The following IP6K3 variants were observed in gnomAD, a reference collection of about 807,000 sequenced individuals.
IP6K3 encodes the protein ATP:1D-myo-inositol-hexakisphosphate phosphotransferase.
Under a neutral mutation model 28.8 loss-of-function variants are expected in IP6K3, and 20 were observed. That is an observed-to-expected ratio of 0.70 (90% CI 0.49 to 1.01). The LOEUF (loss-of-function observed/expected upper bound fraction) is 1.01. IP6K3 is among the 50% of genes least tolerant of loss of function. The pLI is 0.00. For synonymous variants in IP6K3, 213 were observed against 221.3 expected (o/e 0.96, Z 0.33); for missense variants, 480 against 537.1 (o/e 0.89, Z 1.05).
chr6:33,729,870 C>T (rs1766256795), intron 2 of IP6K3, among the ~76,000 whole-genome samples: 1 of 152,086 alleles, frequency 6.6e-6, no homozygotes, highest in South Asian at 2.1e-4. Flanking sequence ...CCCGCCACTG[C>T]ACCCGGCTAA....
intron 1 of IP6K3, among the ~76,000 whole-genome samples, chr6:33,738,680 GGTAGCCCCAGAGTGT>G (rs942148970): frequency 2.6e-5 from 4 of 152,186 alleles, no homozygotes; most frequent in African/African-American, 7.2e-5. Flanking sequence ...ACCCAGGCAT[GGTAGCCCCAGAGTGT>G]GCGTCCCGGC....
chr6:33,741,790 A>G (rs1225979750), intron 1 of IP6K3, among the ~76,000 whole-genome samples: 16 of 151,622 alleles, frequency 1.1e-4, no homozygotes, highest in Admixed American at 1.1e-3. Flanking sequence ...TGTCTCTACT[A>G]AAAATACAAA....
chr6:33,738,849 A>C (rs1209860474), intron 1 of IP6K3, among the ~76,000 whole-genome samples: 2 of 151,998 alleles, frequency 1.3e-5, no homozygotes, highest in African/African-American at 4.8e-5. Flanking sequence ...GGCCTGGTCT[A>C]CCCCCTGGCC....
At chr6:33,758,929 C>G in the IP6K3 span, among the ~76,000 whole-genome samples, 1 of 152,142 alleles carries the variant, frequency 6.6e-6, no homozygotes, top group South Asian at 2.1e-4. Context: ...GAAATATAAT[C>G]CTAATATGCT....
intron 4 of IP6K3, among the ~76,000 whole-genome samples, chr6:33,726,441 C>T (rs1318490370): frequency 6.6e-6 from 1 of 152,230 alleles, no homozygotes; most frequent in South Asian, 2.1e-4. Context: ...CCCAACCCAT[C>T]TTTACTGCCA....
chr6:33,731,842 C>T (rs1448597639), intron 2 of IP6K3, among the ~76,000 whole-genome samples: 1 of 151,974 alleles, frequency 6.6e-6, no homozygotes, highest in Non-Finnish European at 1.5e-5. Context: ...CCCACGGGTT[C>T]CCAGAGCTCT....
intron 2 of IP6K3, among the ~76,000 whole-genome samples, chr6:33,728,782 AC>A (rs1204679908): frequency 6.6e-6 from 1 of 151,756 alleles, no homozygotes; most frequent in African/African-American, 2.4e-5. Flanking sequence ...CCTCCTGAGC[AC>A]CCTTCTTCTC....
chr6:33,753,430 A>G, the IP6K3 span, among the ~76,000 whole-genome samples: 1 of 152,158 alleles, frequency 6.6e-6, no homozygotes, highest in Non-Finnish European at 1.5e-5. Flanking sequence ...GGTGGAGTGC[A>G]GGCCTCCTAG....
the IP6K3 span, among the ~76,000 whole-genome samples, chr6:33,755,358 C>T: frequency 2.8e-4 from 43 of 152,340 alleles, 1 homozygote; most frequent in South Asian, 7.5e-3. Context: ...AGCCAGTTCA[C>T]CTTCCCAGAC....
intron 4 of IP6K3, 23 bp downstream of exon 4, chr6:33,726,706 CAT>C (rs900754709): frequency 6.4e-7 from 1 of 1,552,768 alleles, no homozygotes; most frequent in African/African-American, 1.4e-5. Flanking sequence ...CTTGGGACCA[CAT>C]GTGAGGGGGA....
In IP6K3 at chr6:33,722,187, G is replaced by C. The variant is rs1248173547; in HGVS notation, c.*533C>G. 6.6e-6 allele frequency: 1 copy of C among 151,738 alleles called. No individual in the cohort carries two copies. The highest frequency in any genetic ancestry group is 1.9e-4 in the East Asian group (1 of 5,146). 9.4% of individuals were successfully genotyped at this position (151,738 alleles called of 1,614,324 possible). The stretch of plus-strand genomic sequence containing the variant: ...AGCTGGGTGCAGAGCAGATGAGATG[G>C]GTAGATCTCTTCTGCTTCATCCTGT... On this transcript the variant is annotated 3_prime_UTR_variant, in exon 6 of 6. Coordinates refer to ENST00000293756, the MANE Select transcript of IP6K3 (RefSeq NM_054111.5).
chr6:33,747,732 C>A (rs1049672498), upstream of IP6K3, among the ~76,000 whole-genome samples: 4 of 152,078 alleles, frequency 2.6e-5, no homozygotes, highest in Admixed American at 1.3e-4. The surrounding 1 kb of genome is among the most constrained non-coding windows in gnomAD (Gnocchi z 5.2). Context: ...AGAGATGGGG[C>A]AGGGACGAGG....
At chr6:33,756,416 T>C in the IP6K3 span, among the ~76,000 whole-genome samples, 3 of 151,856 alleles carry the variant, frequency 2.0e-5, no homozygotes, top group African/African-American at 7.3e-5. Context: ...AGGAGGCCAG[T>C]GTGGCTGGAG....
upstream of IP6K3, among the ~76,000 whole-genome samples, chr6:33,747,864 G>T (rs983267566): frequency 6.6e-6 from 1 of 152,166 alleles, no homozygotes; most frequent in African/African-American, 2.4e-5. This position sits in a 1 kb window ranked among gnomAD's most constrained non-coding sequence, Gnocchi z 5.2. Flanking sequence ...TGTCCTCTGG[G>T]AGAGTCCTAG....
chr6:33,723,617 A>G (rs1181508006), intron 5 of IP6K3, among the ~76,000 whole-genome samples: 1 of 152,264 alleles, frequency 6.6e-6, no homozygotes, highest in Non-Finnish European at 1.5e-5. Flanking sequence ...AAAGCCAACT[A>G]GATTAAAATT....
At chr6:33,751,214 C>A (rs1239066652), upstream of IP6K3, among the ~76,000 whole-genome samples, 1 of 152,174 alleles carries the variant, frequency 6.6e-6, no homozygotes, top group Non-Finnish European at 1.5e-5. The surrounding 1 kb of genome is among the most constrained non-coding windows in gnomAD (Gnocchi z 4.3). Context: ...GCTCCCAGCC[C>A]CACCTGGGAG....
intron 1 of IP6K3, among the ~76,000 whole-genome samples, chr6:33,745,074 C>G (rs1766856989): frequency 6.6e-6 from 1 of 152,280 alleles, no homozygotes. Context: ...AGGTAACACA[C>G]TGCAACTGCA....
At chr6:33,734,252 C>T (rs1405036683) in intron 2 of IP6K3, among the ~76,000 whole-genome samples, 1 of 151,308 alleles carries the variant, frequency 6.6e-6, no homozygotes, top group Non-Finnish European at 1.5e-5. Context: ...CACCCCAAGA[C>T]CCCAGGGGAT....
At position 33,722,252 on chromosome 6, in the gene IP6K3, T is replaced by C. The variant is rs377306782; in HGVS notation, c.*468A>G. ...CGCTTAGGAAGATAAGAGGCATTCA[T>C]GAGCTCTGCCTGCCCTTGGAGCGAG... On this transcript the variant is annotated 3_prime_UTR_variant, in exon 6 of 6. Coordinates refer to ENST00000293756, the MANE Select transcript of IP6K3 (RefSeq NM_054111.5). 1.0e-4 allele frequency: 16 copies of C among 157,612 alleles called. No individual in the cohort carries two copies. The East Asian group carries it at 1.5e-3, about 15-fold the overall frequency. 9.8% of individuals were successfully genotyped at this position (157,612 alleles called of 1,614,324 possible). A position where few individuals can be genotyped will look rare whatever the true frequency, so the allele number is the denominator to read the frequency against.
Sources: gnomAD v4.1 joint callset for allele counts (sites outside exome capture counted in the v4.1 genomes callset) on GRCh38, gnomAD v4.1.1 for gene constraint, Gnocchi (gnomAD v3.1) non-coding constraint, MANE v1.5 for transcripts, NCBI Gene and HGNC (gene_info 2026-07-23, HGNC 2026-07-21) for gene names.